CUL1: variants seen among roughly 807,000 people sequenced by gnomAD.
CUL1 encodes the protein cullin-1.
A neutral mutation model predicts 118.0 loss-of-function variants in CUL1; 24 were observed. That is an observed-to-expected ratio of 0.20 (90% CI 0.15 to 0.29). The LOEUF is 0.29. Among genes scored for constraint, CUL1 ranks in the 10% least tolerant of loss-of-function variants. CUL1 has a pLI of 1.00. For synonymous variants in CUL1, 332 were observed against 340.4 expected, an observed-to-expected ratio of 0.98 and a Z score of 0.27; for missense variants, 361 against 933.8, an observed-to-expected ratio of 0.39 and a Z score of 7.99.
rs7778273 is a variant in CUL1, at chr7:148,787,886, G to A, written c.1480-671G>A. Among the ~76,000 whole-genome samples, 12,791 of 152,184 alleles carry A rather than the reference G, an allele frequency of 0.084. 673 individuals are homozygous for A. Among genetic ancestry groups the A allele is most frequent in the African/African-American group, 0.14 (5,662 of 41,498 alleles). On this transcript the variant is annotated intron_variant, in intron 13 of 21. Coordinates refer to ENST00000325222, the MANE Select transcript of CUL1 (RefSeq NM_003592.3). This position sits in a 1 kb window ranked among gnomAD's most constrained non-coding sequence, Gnocchi z 5.5. ...CTGACTTGGGACATACTTTACTTTG[G>A]CCCCAAATTATGTAGGTATCTTTGT...
chr7:148,720,455 G>C (rs371898765), intron 1 of CUL1, among the ~76,000 whole-genome samples: 1 of 152,292 alleles, frequency 6.6e-6, no homozygotes, highest in East Asian at 1.9e-4. Context: ...AATGCAGAAG[G>C]GGGAGTGAGT....
intron 2 of CUL1, among the ~76,000 whole-genome samples, chr7:148,733,680 G>A (rs1468899217): frequency 6.6e-6 from 1 of 152,190 alleles, no homozygotes; most frequent in African/African-American, 2.4e-5. Context: ...GCCTCTCACT[G>A]TTCTAGTATC....
intron 7 of CUL1, among the ~76,000 whole-genome samples, chr7:148,761,531 T>A (rs117426266): frequency 0.014 from 2,064 of 152,044 alleles, 131 homozygotes; most frequent in Admixed American, 0.095. Flanking sequence ...GAAAAAGAAA[T>A]ATGGATATCC....
chr7:148,739,694 C>T (rs1036606750), intron 2 of CUL1, among the ~76,000 whole-genome samples: 4 of 152,144 alleles, frequency 2.6e-5, no homozygotes, highest in Admixed American at 6.5e-5. Context: ...TAATCATTTT[C>T]TTAATGGTGT....
At chr7:148,764,284 G>A (rs1048631994) in intron 7 of CUL1, among the ~76,000 whole-genome samples, 2 of 152,188 alleles carry the variant, frequency 1.3e-5, no homozygotes, top group African/African-American at 4.8e-5. Context: ...GCCAAGTACA[G>A]TGATGATCAG....
chr7:148,721,311 G>C (rs1423235080), intron 1 of CUL1, among the ~76,000 whole-genome samples: 5 of 152,074 alleles, frequency 3.3e-5, no homozygotes, highest in African/African-American at 1.2e-4. Context: ...CAAACCCATC[G>C]TTACCCCACA....
chr7:148,788,720 C>G lies in CUL1; in HGVS notation c.1597+46C>G, dbSNP rs780138404. On this transcript the variant is annotated intron_variant, in intron 14 of 21. Coordinates refer to ENST00000325222, the MANE Select transcript of CUL1 (RefSeq NM_003592.3). ...ATGTTGTGTTTACAGGCAGAGTTCT[C>G]TGTAGCAAATGAAGAAATGACAAAA... is the stretch of plus-strand genomic sequence containing the variant. The G allele has an allele frequency of 1.5e-5, 19 of 1,245,136 alleles. No individual in the cohort carries two copies. The Middle Eastern group carries it at 2.6e-3, about 173-fold the overall frequency. 77.1% of individuals were successfully genotyped at this position (1,245,136 alleles called of 1,614,324 possible). A position where few individuals can be genotyped will look rare whatever the true frequency, so the allele number is the denominator to read the frequency against.
At chr7:148,781,078 G>GCTTTTT (rs1800611287) in intron 9 of CUL1, among the ~76,000 whole-genome samples, 1 of 41,558 alleles carries the variant, frequency 2.4e-5, no homozygotes, top group Non-Finnish European at 4.3e-5. Context: ...TTCAAGGCCA[G>GCTTTTT]ATTTTTTTTT....
intron 9 of CUL1, among the ~76,000 whole-genome samples, chr7:148,772,724 T>C (rs1584806069): frequency 6.6e-6 from 1 of 152,192 alleles, no homozygotes; most frequent in African/African-American, 2.4e-5. Flanking sequence ...ACTCACCTCT[T>C]CTCCATTCCT....
intron 2 of CUL1, among the ~76,000 whole-genome samples, chr7:148,742,153 A>T (rs1202996965): frequency 6.6e-6 from 1 of 152,280 alleles, no homozygotes; most frequent in East Asian, 1.9e-4. Context: ...TGGGATTCTG[A>T]TAGGGATTAC....
At chr7:148,793,083 C>T (rs2129463402) in intron 17 of CUL1, among the ~76,000 whole-genome samples, 1 of 152,256 alleles carries the variant, frequency 6.6e-6, no homozygotes, top group East Asian at 1.9e-4. Flanking sequence ...TCACTTGAGC[C>T]TGGGAGGTCG....
intron 2 of CUL1, among the ~76,000 whole-genome samples, chr7:148,747,087 G>C (rs1799330576): frequency 6.6e-6 from 1 of 152,210 alleles, no homozygotes; most frequent in Non-Finnish European, 1.5e-5. Flanking sequence ...CAAAAGGAAT[G>C]CACTTGTTGA....
rs143843332 is a variant in CUL1 at position 148,711,685 on chromosome 7, A to G, written c.-162+12656A>G. Among the ~76,000 whole-genome samples, 39 of 152,304 alleles carry G rather than the reference A, an allele frequency of 2.6e-4. 1 individual carries two copies. The East Asian group carries it at 7.1e-3, about 28-fold the overall frequency. On this transcript the variant is annotated intron_variant, in intron 1 of 21. Coordinates refer to ENST00000325222, the MANE Select transcript of CUL1 (RefSeq NM_003592.3). ...AAATTATCTTAGTCGAAAGAAAAATAATAGAAAGGGGTGTCTTATTGATGA... is the reference window on the plus strand; with the variant it reads ...AAATTATCTTAGTCGAAAGAAAAATGATAGAAAGGGGTGTCTTATTGATGA...
intron 4 of CUL1, 113 bp from the exon 5 acceptor site, chr7:148,759,191 C>A (rs1799758991): frequency 9.5e-7 from 1 of 1,051,606 alleles, no homozygotes; most frequent in Non-Finnish European, 1.4e-6. Flanking sequence ...TTTTGACCAA[C>A]TTGTAATCTA....
chr7:148,773,280 T>A lies in CUL1; in HGVS notation c.1083+5531T>A, dbSNP rs553460930. ...GTCTTCCAGTGAAACTATTATAATA[T>A]CATTCCCCTACCCCAAAACTCTGGC... On this transcript the variant is annotated intron_variant, in intron 9 of 21. Coordinates refer to ENST00000325222, the MANE Select transcript of CUL1 (RefSeq NM_003592.3). 3.9e-5 allele frequency among the ~76,000 whole-genome samples: 6 copies of A among 152,152 alleles called. No individual in the cohort carries two copies. In the East Asian group the frequency reaches 1.2e-3, roughly 29 times the overall value.
intron 1 of CUL1, among the ~76,000 whole-genome samples, chr7:148,711,154 CT>C (rs1798037992): frequency 6.6e-6 from 1 of 152,134 alleles, no homozygotes; most frequent in Non-Finnish European, 1.5e-5. Context: ...ATTATTTATT[CT>C]TGACTGATTT....
chr7:148,754,985 C>T (rs1053771791), intron 3 of CUL1, among the ~76,000 whole-genome samples: 11 of 152,170 alleles, frequency 7.2e-5, no homozygotes, highest in Non-Finnish European at 1.6e-4. Context: ...AACTCCTGGG[C>T]TCAAGCAGTC....
chr7:148,748,234 A>C (rs1799364904), intron 2 of CUL1, among the ~76,000 whole-genome samples: 1 of 152,218 alleles, frequency 6.6e-6, no homozygotes, highest in Non-Finnish European at 1.5e-5. Context: ...CCTAAAACCA[A>C]ACTCGTCTAT....
intron 2 of CUL1, among the ~76,000 whole-genome samples, chr7:148,745,605 C>T (rs1799287593): frequency 6.6e-6 from 1 of 152,092 alleles, no homozygotes; most frequent in African/African-American, 2.4e-5. Context: ...TTCAGAGGCT[C>T]CATAGTGACT....
Sources: allele counts gnomAD v4.1 joint callset (sites outside exome capture counted in the v4.1 genomes callset), GRCh38; gene constraint gnomAD v4.1.1; non-coding constraint Gnocchi (gnomAD v3.1); transcripts MANE v1.5; gene names NCBI Gene and HGNC (gene_info 2026-07-23, HGNC 2026-07-21).